The following MMP2 variants were observed in gnomAD, a reference collection of about 807,000 sequenced individuals.
MMP2 encodes 72 kDa type IV collagenase.
Under a neutral mutation model 74.8 loss-of-function variants are expected in MMP2, and 39 were observed. The observed-to-expected ratio is 0.52, with a 90% CI of 0.40 to 0.68. The LOEUF is 0.68. MMP2 is among the 30% of genes least tolerant of loss of function. MMP2 has a pLI of 0.00. For synonymous variants in MMP2, 367 were observed against 339.8 expected (o/e 1.08, Z -0.88); for missense variants, 803 against 878.3 (o/e 0.91, Z 1.08).
At chr16:55,497,171 C>A in intron 10 of MMP2, 109 bp downstream of exon 10, 1 of 1,425,828 alleles carries the variant, frequency 7.0e-7, no homozygotes, top group Non-Finnish European at 9.8e-7. Flanking sequence ...CCTATGCACC[C>A]GTGGGTGCTC....
chr16:55,480,121 T>A (rs769031483), intron 1 of MMP2: 2 of 157,236 alleles, frequency 1.3e-5, no homozygotes, highest in South Asian at 1.9e-4. Flanking sequence ...AACGGTGCTC[T>A]GGCACACAAT....
chr16:55,495,658 T>C (rs1962513573), intron 9 of MMP2, among the ~76,000 whole-genome samples: 1 of 152,200 alleles, frequency 6.6e-6, no homozygotes, highest in African/African-American at 2.4e-5. Flanking sequence ...CGCTAGGATG[T>C]TTTTCTGCAA....
At chr16:55,493,421 T>C in intron 9 of MMP2, 128 bp downstream of exon 9, 2 of 1,311,724 alleles carry the variant, frequency 1.5e-6, no homozygotes, top group Non-Finnish European at 2.2e-6. Context: ...AATTAGGCAG[T>C]TTCTGCTGTG....
At chr16:55,486,428 ACT>A (rs1444600168) in intron 5 of MMP2, among the ~76,000 whole-genome samples, 5 of 143,078 alleles carry the variant, frequency 3.5e-5, no homozygotes, top group Middle Eastern at 3.8e-3. Flanking sequence ...TCTCTTGGGC[ACT>A]GTCTTTTTCT....
chr16:55,499,245 T>A (rs1427259808), intron 11 of MMP2, among the ~76,000 whole-genome samples: 1 of 152,098 alleles, frequency 6.6e-6, no homozygotes, highest in East Asian at 1.9e-4. Flanking sequence ...AGGTTGGGAT[T>A]TGAACCCTGG....
chr16:55,496,717 G>T (rs747418162), intron 9 of MMP2, among the ~76,000 whole-genome samples: 45 of 152,298 alleles, frequency 3.0e-4, no homozygotes, highest in Non-Finnish European at 5.0e-4. Flanking sequence ...GGAGAGAACA[G>T]GGTAGGAGGA....
intron 12 of MMP2, among the ~76,000 whole-genome samples, chr16:55,504,245 G>A (rs1488173247): frequency 1.3e-5 from 2 of 152,122 alleles, no homozygotes; most frequent in Non-Finnish European, 2.9e-5. Context: ...CTGTACTTCT[G>A]TGTGACTTTT....
chr16:55,503,311 T>C (rs977652566), intron 12 of MMP2, among the ~76,000 whole-genome samples: 1 of 152,222 alleles, frequency 6.6e-6, no homozygotes, highest in Non-Finnish European at 1.5e-5. Flanking sequence ...CTGTTGCTCA[T>C]GTGGCAAAGA....
intron 11 of MMP2, among the ~76,000 whole-genome samples, chr16:55,501,799 G>GATC (rs1962674050): frequency 6.6e-6 from 1 of 152,114 alleles, no homozygotes; most frequent in Admixed American, 6.6e-5. Context: ...GCAAAAGGTG[G>GATC]CTGCTACCAG....
At chr16:55,487,069 T>C (rs1184950412) in intron 5 of MMP2, 1 of 152,244 alleles carries the variant, frequency 6.6e-6, no homozygotes, top group Admixed American at 6.5e-5. Context: ...GGATTACATG[T>C]GGCGTTAACC....
At chr16:55,489,564 T>C in intron 6 of MMP2, 87 bp from the exon 7 acceptor site, 1 of 1,515,452 alleles carries the variant, frequency 6.6e-7, no homozygotes, top group Non-Finnish European at 9.1e-7. Context: ...TTAGGTGTGG[T>C]TCATTAAGGT....
chr16:55,492,401 A>G (rs79970787), intron 8 of MMP2, among the ~76,000 whole-genome samples: 4,624 of 151,986 alleles, frequency 0.03, 108 homozygotes, highest in East Asian at 0.1. Flanking sequence ...TGTAGTAGAA[A>G]CAGAACAACC....
intron 1 of MMP2, among the ~76,000 whole-genome samples, chr16:55,481,072 C>T (rs958890672): frequency 1.1e-4 from 16 of 151,918 alleles, no homozygotes; most frequent in African/African-American, 2.2e-4. Context: ...AATTCAAGAG[C>T]GAGCCAACAG....
chr16:55,492,028 C>T, intron 8 of MMP2, 72 bp downstream of exon 8: 1 of 1,469,346 alleles, frequency 6.8e-7, no homozygotes, highest in Non-Finnish European at 9.4e-7. Context: ...GATGGAGGCC[C>T]AGGGGGTGGG....
rs774213983 is a variant in MMP2 at position 55,482,889 on chromosome 16, G to C, written c.154-20G>C. 2 of 1,606,506 alleles carry C rather than the reference G, an allele frequency of 1.2e-6. No homozygotes were observed. The highest frequency in any genetic ancestry group is 2.7e-5 in the African/African-American group (2 of 74,752). ...CATCCTAATGTGGCTAATTGCCTTG[G>C]GGGTGTGCATTTCTTTCAGCAATAC... is the stretch of plus-strand genomic sequence containing the variant. On this transcript the variant is annotated intron_variant, in intron 1 of 12. Transcript: ENST00000219070.
At chr16:55,493,100 C>T in intron 8 of MMP2, 58 bp from the exon 9 acceptor site, 1 of 1,608,126 alleles carries the variant, frequency 6.2e-7, no homozygotes, top group Non-Finnish European at 8.5e-7. Flanking sequence ...TGGGGGCTCA[C>T]CCTAGTGGGG....
intron 5 of MMP2, chr16:55,486,492 G>T (rs1962265250): frequency 6.6e-6 from 1 of 151,970 alleles, no homozygotes. Flanking sequence ...AAGACTTTAG[G>T]CTTGACTCAG....
At chr16:55,483,933 AC>A in intron 2 of MMP2, 82 bp from the exon 3 acceptor site, 1 of 1,478,380 alleles carries the variant, frequency 6.8e-7, no homozygotes, top group Non-Finnish European at 9.4e-7. Context: ...ACTTTTTCAT[AC>A]ATCTGTGCAC....
At chr16:55,482,741 C>T (rs551696269) in intron 1 of MMP2, among the ~76,000 whole-genome samples, 168 bp from the exon 2 acceptor site, 23 of 152,280 alleles carry the variant, frequency 1.5e-4, no homozygotes, top group African/African-American at 5.3e-4. Context: ...AATGGGTGAC[C>T]GTGCTGGTTT....
Sources: allele counts gnomAD v4.1 joint callset (sites outside exome capture counted in the v4.1 genomes callset), GRCh38; gene constraint gnomAD v4.1.1; transcripts MANE v1.5; gene names NCBI Gene and HGNC (gene_info 2026-07-23, HGNC 2026-07-21).